The following SYT2 variants were observed in gnomAD, a reference collection of about 807,000 sequenced individuals.
SYT2 encodes synaptotagmin-2.
A neutral mutation model predicts 39.9 loss-of-function variants in SYT2; 15 were observed. The observed-to-expected ratio is 0.38, with a 90% CI of 0.25 to 0.58. SYT2 has a LOEUF of 0.58. SYT2 is among the 20% of genes least tolerant of loss of function. The pLI, the probability that SYT2 is intolerant of heterozygous loss-of-function variation, is 0.70. For missense variants in SYT2, 389 were observed against 530.3 expected (o/e 0.73, Z 2.62); for synonymous variants, 181 against 204.5 (o/e 0.89, Z 0.98).
At chr1:202,645,759 G>A (rs1388830319) in intron 1 of SYT2, among the ~76,000 whole-genome samples, 3 of 152,168 alleles carry the variant, frequency 2.0e-5, no homozygotes, top group Non-Finnish European at 4.4e-5. Flanking sequence ...GAATTCTGAT[G>A]GCATGTGGAA....
chr1:202,620,063 T>C (rs1319535623), intron 1 of SYT2, among the ~76,000 whole-genome samples: 3 of 152,102 alleles, frequency 2.0e-5, no homozygotes, highest in Non-Finnish European at 2.9e-5. Flanking sequence ...CAGGGAAAGC[T>C]CAGGAAGGGG....
intron 1 of SYT2, among the ~76,000 whole-genome samples, chr1:202,679,018 A>G (rs1653458081): frequency 6.6e-6 from 1 of 152,058 alleles, no homozygotes; most frequent in Admixed American, 6.5e-5. Context: ...CTTCTGCCCC[A>G]TCTGCCTTGG....
At chr1:202,677,469 T>A (rs1169870292) in intron 1 of SYT2, among the ~76,000 whole-genome samples, 2 of 152,210 alleles carry the variant, frequency 1.3e-5, no homozygotes, top group East Asian at 1.9e-4. Flanking sequence ...GCTCAAGAAG[T>A]CCATGGAGGG....
At chr1:202,707,412 G>C (rs530324831) in intron 1 of SYT2, among the ~76,000 whole-genome samples, 1 of 152,242 alleles carries the variant, frequency 6.6e-6, no homozygotes, top group South Asian at 2.1e-4. Flanking sequence ...CTGACTTGCT[G>C]TTCCAGTTCT....
In SYT2 at chr1:202,633,775, T is replaced by A. The variant is rs114906245; in HGVS notation, c.-17-27986A>T. Among the ~76,000 whole-genome samples, 1,458 of 152,300 alleles carry A rather than the reference T, an allele frequency of 9.6e-3. 24 individuals carry two copies. Among genetic ancestry groups the A allele is most frequent in the African/African-American group, 0.034 (1,396 of 41,556 alleles). ...TATTGCACCTCCCATCTCAGCCCTG[T>A]CTCTTATGAAATGCCATATTGAAGC... is the stretch of plus-strand genomic sequence containing the variant. On this transcript the variant is annotated intron_variant, in intron 1 of 8. Coordinates refer to ENST00000367268, the MANE Select transcript of SYT2 (RefSeq NM_177402.5).
rs2885660 is a variant in SYT2, at chr1:202,622,545, C to T, written c.-17-16756G>A. ...ACACTCATTTTCCTTCTCTTGATCT[C>T]GCTGAGATCAGCAATTCCAGGCCAC... On this transcript the variant is annotated intron_variant, in intron 1 of 8. Transcript: ENST00000367268. Among the ~76,000 whole-genome samples, 94 of 150,838 alleles carry T rather than the reference C, an allele frequency of 6.2e-4. 1 individual carries two copies. The East Asian group carries it at 0.017, about 28-fold the overall frequency.
chr1:202,668,108 C>A (rs946104490), intron 1 of SYT2, among the ~76,000 whole-genome samples: 9 of 152,198 alleles, frequency 5.9e-5, no homozygotes, highest in Non-Finnish European at 8.8e-5. Flanking sequence ...TTGGTGGGAA[C>A]AGAATAGAGG....
At chr1:202,654,030 C>CCA (rs1335195580) in intron 1 of SYT2, among the ~76,000 whole-genome samples, 2 of 152,166 alleles carry the variant, frequency 1.3e-5, no homozygotes, top group African/African-American at 4.8e-5. Flanking sequence ...CTGCTTTCAG[C>CCA]CAGCCCTCCT....
chr1:202,698,118 C>CCCT (rs1479154664), intron 1 of SYT2, among the ~76,000 whole-genome samples: 4 of 146,348 alleles, frequency 2.7e-5, no homozygotes, highest in Admixed American at 7.5e-5. Flanking sequence ...CACCACCCCC[C>CCCT]CAAGGAAAGT....
chr1:202,696,671 G>A (rs1483821690), intron 1 of SYT2, among the ~76,000 whole-genome samples: 1 of 152,180 alleles, frequency 6.6e-6, no homozygotes, highest in Non-Finnish European at 1.5e-5. Flanking sequence ...AGTGTGGCCT[G>A]AGGCACATGG....
intron 1 of SYT2, among the ~76,000 whole-genome samples, chr1:202,619,615 G>T (rs1018839591): frequency 1.3e-4 from 20 of 152,218 alleles, no homozygotes; most frequent in African/African-American, 4.8e-4. Flanking sequence ...TGTGCCCAGG[G>T]ATCTGCATTG....
chr1:202,597,718 T>C (rs1186706630), intron 8 of SYT2, among the ~76,000 whole-genome samples: 1 of 152,110 alleles, frequency 6.6e-6, no homozygotes, highest in Non-Finnish European at 1.5e-5. Context: ...TTGGAAGATT[T>C]ACTGGAGGAG....
At chr1:202,638,397 A>G (rs946427185) in intron 1 of SYT2, among the ~76,000 whole-genome samples, 14 of 152,254 alleles carry the variant, frequency 9.2e-5, no homozygotes, top group African/African-American at 3.4e-4. Flanking sequence ...ATCTTTCCCT[A>G]GGCTTGGGGG....
At chr1:202,622,242 A>G (rs1399733803) in intron 1 of SYT2, among the ~76,000 whole-genome samples, 1 of 152,216 alleles carries the variant, frequency 6.6e-6, no homozygotes, top group Non-Finnish European at 1.5e-5. Context: ...TCAGTCCAAC[A>G]TTTGGTCCTA....
chr1:202,687,888 T>C (rs1653712413), intron 1 of SYT2, among the ~76,000 whole-genome samples: 1 of 152,154 alleles, frequency 6.6e-6, no homozygotes, highest in Non-Finnish European at 1.5e-5. Context: ...AAGTTCTTTG[T>C]ACCTAACACT....
At chr1:202,646,478 G>A (rs1692084200) in intron 1 of SYT2, among the ~76,000 whole-genome samples, 1 of 152,094 alleles carries the variant, frequency 6.6e-6, no homozygotes, top group South Asian at 2.1e-4. Context: ...GCTCCAGGAG[G>A]GCAAGGACCC....
rs1440895637 is a variant in SYT2, at chr1:202,635,950, T to C, written c.-17-30161A>G. 5.3e-5 allele frequency among the ~76,000 whole-genome samples: 8 copies of C among 152,272 alleles called. No homozygotes were observed. The East Asian group carries it at 1.5e-3, about 29-fold the overall frequency. ...GAAAGATGCTGAATGTGATATTGAC[T>C]CAATGTGCTGCTTCTGATCAGCCCC... On this transcript the variant is annotated intron_variant, in intron 1 of 8. Transcript: ENST00000367268.
chr1:202,689,877 C>T (rs1029406569), intron 1 of SYT2, among the ~76,000 whole-genome samples: 1 of 151,132 alleles, frequency 6.6e-6, no homozygotes, highest in African/African-American at 2.4e-5. Context: ...CTGTAAAGTA[C>T]TTCCCCCGGA....
At chr1:202,708,021 G>A (rs1203397029) in intron 1 of SYT2, among the ~76,000 whole-genome samples, 1 of 152,194 alleles carries the variant, frequency 6.6e-6, no homozygotes, top group African/African-American at 2.4e-5. Flanking sequence ...CCCAGCTCCA[G>A]AAAGGGTCTC....
Sources: allele counts gnomAD v4.1 joint callset (sites outside exome capture counted in the v4.1 genomes callset), GRCh38; gene constraint gnomAD v4.1.1; transcripts MANE v1.5; gene names NCBI Gene and HGNC (gene_info 2026-07-23, HGNC 2026-07-21).